CDC37L1: variants seen among roughly 807,000 people sequenced by gnomAD.
The protein encoded by CDC37L1 is hsp90 co-chaperone Cdc37-like 1.
In CDC37L1, 32 loss-of-function variants were observed where a neutral mutation model predicts 45.9. The observed-to-expected ratio is 0.70, with a 90% CI of 0.53 to 0.94. The LOEUF (loss-of-function observed/expected upper bound fraction) is 0.94. Among genes scored for constraint, CDC37L1 ranks in the 40% least tolerant of loss-of-function variants. The probability of loss-of-function intolerance (pLI) is 0.00; values close to 1 mark genes in which losing one functional copy is unlikely to be tolerated. For missense variants in CDC37L1, 434 were observed against 405.7 expected, an observed-to-expected ratio of 1.07 and a Z score of -0.60; for synonymous variants, 150 against 133.0, an observed-to-expected ratio of 1.13 and a Z score of -0.88.
rs866605492 is a variant in CDC37L1 at position 4,703,358 on chromosome 9, A to G, written c.912+1330A>G. On this transcript the variant is annotated intron_variant, in intron 6 of 6. Coordinates refer to ENST00000381854, the MANE Select transcript of CDC37L1 (RefSeq NM_017913.4). ...GAGTCTCTGAGCCTACTCTGGCTGAAAAAAAAAAAAAAAAGTCTCAAGGAT... is the reference window on the plus strand; with the variant it reads ...GAGTCTCTGAGCCTACTCTGGCTGAGAAAAAAAAAAAAAAGTCTCAAGGAT... The G allele has an allele frequency of 1.5e-3, 301 of 203,712 alleles. 2 individuals carry two copies. Among genetic ancestry groups the G allele is most frequent in the African/African-American group, 8.2e-3 (256 of 31,084 alleles). 12.6% of individuals were successfully genotyped at this position (203,712 alleles called of 1,614,324 possible).
At position 4,685,062 on chromosome 9, in the gene CDC37L1, G is replaced by A. The variant is rs1841233974; in HGVS notation, c.318G>A (p.Arg106=). The A allele has an allele frequency of 6.2e-7, 1 of 1,613,846 alleles. No homozygotes were observed. Among genetic ancestry groups the A allele is most frequent in the South Asian group, 1.1e-5 (1 of 91,074 alleles). Residue 106 remains arginine, a synonymous_variant, in exon 2 of 7, where the codon CGG becomes CGA. Transcript: ENST00000381854. The part of the protein sequence containing the change: ...AQTAVSELRQ[R]EEEWRQKEEA... ...CAGCAGTATCAGAACTGAGGCAACG[G>A]GAAGAAGAGTGGCGACAGAAAGAAG...
Position 4,706,229 on chromosome 9 carries a change from G to T in CDC37L1, c.*117G>T. ...TATTTTTGTTCGGTTTTTGATGGGAGGGAAAGAGTACTGAAATGTTTTGTA... is the reference window on the plus strand; with the variant it reads ...TATTTTTGTTCGGTTTTTGATGGGATGGAAAGAGTACTGAAATGTTTTGTA... On this transcript the variant is annotated 3_prime_UTR_variant, in exon 7 of 7. Transcript: ENST00000381854. The T allele has an allele frequency of 1.9e-6, 1 of 527,372 alleles. No homozygotes were observed. Among genetic ancestry groups the T allele is most frequent in the Non-Finnish European group, 3.5e-6 (1 of 284,456 alleles). 32.7% of individuals were successfully genotyped at this position (527,372 alleles called of 1,614,324 possible).
intron 6 of CDC37L1, among the ~76,000 whole-genome samples, chr9:4,702,668 TC>T (rs1334517146): frequency 6.6e-6 from 1 of 151,000 alleles, no homozygotes; most frequent in East Asian, 1.9e-4. Context: ...GATCACGAGG[TC>T]AGGAGATCGA....
intron 1 of CDC37L1, among the ~76,000 whole-genome samples, chr9:4,683,121 A>T (rs1841214102): frequency 7.0e-6 from 1 of 143,754 alleles, no homozygotes; most frequent in African/African-American, 2.5e-5. Flanking sequence ...AATATATTTT[A>T]TATATATTTT....
intron 1 of CDC37L1, among the ~76,000 whole-genome samples, chr9:4,682,463 G>T (rs1367474503): frequency 6.6e-6 from 1 of 151,768 alleles, no homozygotes. Flanking sequence ...AAGTAGCTGG[G>T]ACTACAGGCA....
rs1841461928 is a variant in CDC37L1 at position 4,708,043 on chromosome 9, G to C, written c.*1931G>C. 1 of 152,210 alleles carries C rather than the reference G, an allele frequency of 6.6e-6. No individual in the cohort carries two copies. The highest frequency in any genetic ancestry group is 2.4e-5 in the African/African-American group (1 of 41,456). 9.4% of individuals were successfully genotyped at this position (152,210 alleles called of 1,614,324 possible). ...GATTTATATATTTTTACTTGCAAAA[G>C]AATATACTGTGTTTTGAGTATGAAA... On this transcript the variant is annotated 3_prime_UTR_variant, in exon 7 of 7. Transcript: ENST00000381854.
intron 6 of CDC37L1, among the ~76,000 whole-genome samples, chr9:4,702,653 A>G (rs929986313): frequency 1.3e-5 from 2 of 152,014 alleles, no homozygotes; most frequent in African/African-American, 4.8e-5. Context: ...AGGCCGAGAC[A>G]GGCAGATCAC....
Position 4,697,741 on chromosome 9 carries a change from T to G in CDC37L1, c.625-16T>G. The G allele has an allele frequency of 7.7e-7, 1 of 1,294,748 alleles. No homozygotes were observed. The highest frequency in any genetic ancestry group is 1.3e-5 in the South Asian group (1 of 77,548). 80.2% of individuals were successfully genotyped at this position (1,294,748 alleles called of 1,614,324 possible). ...ATTTATATATTTGTTTCTTATATCA[T>G]TTAAATCTTTTTCAGAAAGGGGCTT... On this transcript the variant is annotated splice_polypyrimidine_tract_variant and intron_variant, in intron 4 of 6. Transcript: ENST00000381854.
At chr9:4,694,836 C>T (rs572721986) in intron 3 of CDC37L1, among the ~76,000 whole-genome samples, 1 of 152,164 alleles carries the variant, frequency 6.6e-6, no homozygotes, top group East Asian at 1.9e-4. Context: ...TGTTGCTGTA[C>T]TCCAGCCTGG....
chr9:4,680,462 A>C (rs1462511325), intron 1 of CDC37L1, among the ~76,000 whole-genome samples: 2 of 152,216 alleles, frequency 1.3e-5, no homozygotes, highest in East Asian at 3.9e-4. Flanking sequence ...TCTTTGCCTT[A>C]CTGTTTTGTT....
At chr9:4,702,172 A>C (rs907977220) in intron 6 of CDC37L1, 144 bp downstream of exon 6, 2 of 456,850 alleles carry the variant, frequency 4.4e-6, no homozygotes, top group African/African-American at 4.1e-5. Context: ...ATCTTACTTC[A>C]TGCCATGTTT....
intron 6 of CDC37L1, chr9:4,703,032 C>T (rs1291729848): frequency 2.0e-6 from 3 of 1,503,144 alleles, no homozygotes; most frequent in African/African-American, 1.4e-5. Flanking sequence ...AATTCCTACC[C>T]ATTTGATTTT....
chr9:4,702,768 A>G (rs1313778563), intron 6 of CDC37L1, among the ~76,000 whole-genome samples: 1 of 151,714 alleles, frequency 6.6e-6, no homozygotes, highest in Non-Finnish European at 1.5e-5. Context: ...AGGCACCTGC[A>G]GTCCCAGCTA....
At position 4,681,351 on chromosome 9, in the gene CDC37L1, G is replaced by A. The variant is rs76978045; in HGVS notation, c.132+1452G>A. Among the ~76,000 whole-genome samples the A allele has an allele frequency of 1.7e-3, 257 of 152,286 alleles. 2 individuals carry two copies. The highest frequency in any genetic ancestry group is 6.0e-3 in the African/African-American group (251 of 41,542). ...TTAAAAGTGTTTTCCCTGAGGCCAT[G>A]TAACTAGTTAGTGGCCAGGTTAAAA... On this transcript the variant is annotated intron_variant, in intron 1 of 6. Transcript: ENST00000381854.
At chr9:4,694,103 CAG>C (rs977550362) in intron 3 of CDC37L1, among the ~76,000 whole-genome samples, 14 of 152,162 alleles carry the variant, frequency 9.2e-5, no homozygotes, top group African/African-American at 3.1e-4. Flanking sequence ...ATTTTTGAAA[CAG>C]AGTCATTTTC....
At position 4,690,378 on chromosome 9, in the gene CDC37L1, A is replaced by T. The variant is rs1376968958; in HGVS notation, c.508+1772A>T. On this transcript the variant is annotated intron_variant, in intron 3 of 6. Coordinates refer to ENST00000381854, the MANE Select transcript of CDC37L1 (RefSeq NM_017913.4). ...ACCAGGGTAGTCAACCTGCTACTTG[A>T]TGGCTGGCTGATCTCTGCAGTGCAT... Among the ~76,000 whole-genome samples the T allele has an allele frequency of 2.6e-5, 4 of 152,106 alleles. No individual in the cohort carries two copies. The East Asian group carries it at 7.7e-4, about 29-fold the overall frequency.
chr9:4,695,056 G>C (rs916333794), intron 3 of CDC37L1, among the ~76,000 whole-genome samples: 2 of 152,194 alleles, frequency 1.3e-5, no homozygotes, highest in East Asian at 3.8e-4. Context: ...GTGGATGGTA[G>C]ATAGAGTTGA....
intron 6 of CDC37L1, chr9:4,703,124 T>C: frequency 2.0e-6 from 3 of 1,529,430 alleles, no homozygotes; most frequent in Non-Finnish European, 2.6e-6. Context: ...CAGTTTAATC[T>C]GTTGTCTACA....
intron 5 of CDC37L1, among the ~76,000 whole-genome samples, chr9:4,700,151 G>C (rs1841383685): frequency 6.6e-6 from 1 of 151,844 alleles, no homozygotes; most frequent in Non-Finnish European, 1.5e-5. Context: ...CTGGTGACTA[G>C]TCTAAACTTT....
Sources: gnomAD v4.1 joint callset for allele counts (sites outside exome capture counted in the v4.1 genomes callset) on GRCh38, gnomAD v4.1.1 for gene constraint, MANE v1.5 for transcripts, NCBI Gene and HGNC (gene_info 2026-07-23, HGNC 2026-07-21) for gene names.